DLG2: variants seen among roughly 807,000 people sequenced by gnomAD.
The protein encoded by DLG2 is disks large homolog 2.
Under a neutral mutation model 132.5 loss-of-function variants are expected in DLG2, and 45 were observed. That is an observed-to-expected ratio of 0.34 (90% CI 0.27 to 0.44). The LOEUF (loss-of-function observed/expected upper bound fraction) is 0.44, where lower values mean the gene tolerates loss of function less well. Among genes scored for constraint, DLG2 ranks in the 20% least tolerant of loss-of-function variants. The pLI, the probability that DLG2 is intolerant of heterozygous loss-of-function variation, is 1.00. For synonymous variants in DLG2, 424 were observed against 419.6 expected, an observed-to-expected ratio of 1.01 and a Z score of -0.13; for missense variants, 1,045 against 1,196.9, an observed-to-expected ratio of 0.87 and a Z score of 1.87.
chr11:83,596,270 A>G (rs772992296), intron 19 of DLG2, among the ~76,000 whole-genome samples: 2 of 152,150 alleles, frequency 1.3e-5, no homozygotes, highest in East Asian at 1.9e-4. Context: ...TTTTCCTCCC[A>G]TAACACTGGC....
At chr11:84,917,421 T>G (rs190261400) in intron 6 of DLG2, among the ~76,000 whole-genome samples, 8 of 152,350 alleles carry the variant, frequency 5.3e-5, no homozygotes, top group African/African-American at 1.9e-4. Context: ...ATTATCTATT[T>G]AGGTAGATTG....
intron 6 of DLG2, among the ~76,000 whole-genome samples, chr11:84,895,921 C>T (rs1405284644): frequency 6.6e-6 from 1 of 152,024 alleles, no homozygotes; most frequent in Non-Finnish European, 1.5e-5. Context: ...AGGGCACCTA[C>T]CACTTAGCAG....
At chr11:84,703,725 A>T (rs949978310) in intron 6 of DLG2, among the ~76,000 whole-genome samples, 2 of 151,222 alleles carry the variant, frequency 1.3e-5, no homozygotes, top group Admixed American at 1.3e-4. Context: ...AATTTTGAAG[A>T]TATTCTCAGT....
chr11:84,148,322 G>A (rs2095165854), intron 9 of DLG2, among the ~76,000 whole-genome samples: 1 of 152,038 alleles, frequency 6.6e-6, no homozygotes, highest in African/African-American at 2.4e-5. Context: ...TGTAACCCAG[G>A]AAGTGAGCAT....
At chr11:84,432,441 T>C (rs1247726489) in intron 7 of DLG2, among the ~76,000 whole-genome samples, 2 of 152,190 alleles carry the variant, frequency 1.3e-5, no homozygotes. Flanking sequence ...TACTGAAGCA[T>C]AAATGTTACT....
chr11:85,367,595 C>T (rs946372312), intron 3 of DLG2, among the ~76,000 whole-genome samples: 1 of 152,126 alleles, frequency 6.6e-6, no homozygotes, highest in Non-Finnish European at 1.5e-5. Context: ...TTAGCTTTCT[C>T]ATATGCTAAT....
At chr11:85,237,679 G>A (rs2075660956) in intron 4 of DLG2, among the ~76,000 whole-genome samples, 1 of 152,010 alleles carries the variant, frequency 6.6e-6, no homozygotes, top group Admixed American at 6.6e-5. Context: ...ACCCCCTCCT[G>A]TCTGTAGTTT....
chr11:84,125,562 G>T (rs991242390), intron 9 of DLG2, among the ~76,000 whole-genome samples: 7 of 152,146 alleles, frequency 4.6e-5, no homozygotes, highest in Admixed American at 2.0e-4. Flanking sequence ...TCAGCTGTAG[G>T]GGGGTACTAG....
At chr11:83,582,421 A>G (rs1038140330) in intron 19 of DLG2, among the ~76,000 whole-genome samples, 2 of 152,206 alleles carry the variant, frequency 1.3e-5, no homozygotes, top group Non-Finnish European at 2.9e-5. Context: ...TTTTCACCTC[A>G]GGTCTGTGTA....
intron 20 of DLG2, among the ~76,000 whole-genome samples, chr11:83,534,925 A>C (rs1158726730): frequency 2.0e-5 from 3 of 152,254 alleles, no homozygotes; most frequent in Non-Finnish European, 4.4e-5. Context: ...CCTGGGTGAC[A>C]CAGCGAGACT....
chr11:84,738,198 C>T (rs547370180), intron 6 of DLG2, among the ~76,000 whole-genome samples: 66 of 151,912 alleles, frequency 4.3e-4, no homozygotes, highest in Non-Finnish European at 6.5e-4. Context: ...TGCAGAACTC[C>T]AGTATGTAAC....
intron 6 of DLG2, among the ~76,000 whole-genome samples, chr11:85,015,160 G>A (rs901194963): frequency 1.3e-5 from 2 of 152,142 alleles, no homozygotes; most frequent in Admixed American, 1.3e-4. Flanking sequence ...TGCAATTGAT[G>A]TGGCTTTTCA....
At chr11:84,946,328 C>T (rs965818026) in intron 6 of DLG2, among the ~76,000 whole-genome samples, 1 of 152,100 alleles carries the variant, frequency 6.6e-6, no homozygotes, top group African/African-American at 2.4e-5. Context: ...CTGGGTCACA[C>T]CTGAAGCCAG....
At chr11:85,116,013 A>G (rs536909307) in intron 5 of DLG2, among the ~76,000 whole-genome samples, 10 of 152,050 alleles carry the variant, frequency 6.6e-5, no homozygotes, top group Non-Finnish European at 1.3e-4. Context: ...TAATCTTTGA[A>G]CAAGCATTTC....
intron 8 of DLG2, among the ~76,000 whole-genome samples, chr11:84,183,766 C>T (rs914812971): frequency 4.6e-5 from 7 of 152,092 alleles, no homozygotes; most frequent in Non-Finnish European, 1.0e-4. Flanking sequence ...TGATGTTCCC[C>T]TTCCTGTGTC....
chr11:85,135,960 G>C (rs1214590286), intron 5 of DLG2, among the ~76,000 whole-genome samples: 6 of 152,198 alleles, frequency 3.9e-5, no homozygotes, highest in Non-Finnish European at 8.8e-5. Context: ...GCTTTCTGGA[G>C]AGGGGCCTTG....
chr11:84,673,152 A>T (rs2099707748), intron 6 of DLG2, among the ~76,000 whole-genome samples: 2 of 152,082 alleles, frequency 1.3e-5, no homozygotes, highest in African/African-American at 4.8e-5. Context: ...AGGGACACAG[A>T]TCCAAACCGT....
At chr11:85,464,510 GA>G (rs780109159) in intron 3 of DLG2, among the ~76,000 whole-genome samples, 21 of 152,218 alleles carry the variant, frequency 1.4e-4, no homozygotes, top group Admixed American at 3.3e-4. Flanking sequence ...AGGATCAGCT[GA>G]GTTACAGGTC....
At chr11:84,979,189 G>A (rs1234780170) in intron 6 of DLG2, among the ~76,000 whole-genome samples, 2 of 152,042 alleles carry the variant, frequency 1.3e-5, no homozygotes, top group Non-Finnish European at 2.9e-5. Flanking sequence ...TAGAAAAATA[G>A]GAACTAGTTT....
Sources: allele counts gnomAD v4.1 joint callset (sites outside exome capture counted in the v4.1 genomes callset), GRCh38; gene constraint gnomAD v4.1.1; transcripts MANE v1.5; gene names NCBI Gene and HGNC (gene_info 2026-07-23, HGNC 2026-07-21).